Variants in PLXNA4 observed in about 807,000 individuals in gnomAD.
PLXNA4 encodes plexin A4.
A neutral mutation model predicts 191.8 loss-of-function variants in PLXNA4; 44 were observed. The ratio of observed to expected loss-of-function variants is 0.23; its 90% CI spans 0.18 to 0.29. PLXNA4 has a LOEUF of 0.29. Among genes scored for constraint, PLXNA4 ranks in the 10% least tolerant of loss-of-function variants. PLXNA4 has a pLI of 1.00. For missense variants in PLXNA4, 1,800 were observed against 2,488.8 expected (o/e 0.72, Z 5.89); for synonymous variants, 1,082 against 1,009.5 (o/e 1.07, Z -1.36).
At chr7:132,204,356 C>T (rs1797542502) in intron 10 of PLXNA4, among the ~76,000 whole-genome samples, 1 of 152,176 alleles carries the variant, frequency 6.6e-6, no homozygotes, top group African/African-American at 2.4e-5. Context: ...TAGAGCCCAC[C>T]CTGGGCAGCA....
intron 14 of PLXNA4, among the ~76,000 whole-genome samples, chr7:132,191,916 G>A (rs1797104097): frequency 6.6e-6 from 1 of 151,572 alleles, no homozygotes; most frequent in Admixed American, 6.6e-5. Flanking sequence ...AATGTCTATT[G>A]GGTTCACCTT....
intron 10 of PLXNA4, among the ~76,000 whole-genome samples, chr7:132,210,647 C>T (rs1271034765): frequency 6.6e-6 from 1 of 152,188 alleles, no homozygotes; most frequent in Non-Finnish European, 1.5e-5. Context: ...ATAAACAGGG[C>T]TCACAGCTCC....
rs372745818 is a variant in PLXNA4, at chr7:132,395,337, T to C, written c.1371+93955A>G. 9.9e-5 allele frequency among the ~76,000 whole-genome samples: 15 copies of C among 152,026 alleles called. 2 individuals carry two copies. The East Asian group carries it at 2.9e-3, about 29-fold the overall frequency. ...GTGACCATTCAGGCAGAAAGGAAGA[T>C]GAGGAGTGGGGACAAGATGAATAAG... On this transcript the variant is annotated intron_variant, in intron 3 of 31. Coordinates refer to ENST00000321063, the MANE Select transcript of PLXNA4 (RefSeq NM_020911.2).
At chr7:132,489,548 AT>A in intron 2 of PLXNA4, 74 bp from the exon 3 acceptor site, 3 of 1,271,942 alleles carry the variant, frequency 2.4e-6, no homozygotes, top group Non-Finnish European at 3.2e-6. Context: ...TCAGGAAACT[AT>A]GGAGGTAGAA....
rs560512909 is a variant in PLXNA4 at position 132,340,536 on chromosome 7, C to T, written c.1372-42314G>A. Among the ~76,000 whole-genome samples, 5 of 152,310 alleles carry T rather than the reference C, an allele frequency of 3.3e-5. No individual in the cohort carries two copies. The South Asian group carries it at 1.0e-3, about 32-fold the overall frequency. On this transcript the variant is annotated intron_variant, in intron 3 of 31. Coordinates refer to ENST00000321063, the MANE Select transcript of PLXNA4 (RefSeq NM_020911.2). Reference sequence around the variant, plus strand: ...AAGAGTGAGCTGTGAATTTAGTGTACACCAAGGACAGCTTTATTCAATGGA... The same window carrying T: ...AAGAGTGAGCTGTGAATTTAGTGTATACCAAGGACAGCTTTATTCAATGGA...
intron 2 of PLXNA4, among the ~76,000 whole-genome samples, chr7:132,500,194 G>A (rs1465325691): frequency 1.3e-5 from 2 of 152,162 alleles, no homozygotes; most frequent in African/African-American, 4.8e-5. Context: ...TAGAAAGGAA[G>A]GCAATTGGAG....
At chr7:132,362,151 A>C (rs6972176) in intron 3 of PLXNA4, among the ~76,000 whole-genome samples, 68,830 of 151,520 alleles carry the variant, frequency 0.45, 18,123 homozygotes, top group African/African-American at 0.73. Flanking sequence ...CATTTAGAGG[A>C]CTTTATACAT....
Position 132,607,631 on chromosome 7 carries a change from C to CTT in PLXNA4, c.-87+38296_-87+38297insAA, listed in dbSNP as rs201903094. ...TGTGTAAAGAAGATGTTCTCTGAGC[C>CTT]TGTGCCTTTTTGCAGCCTAGAAGTG... On this transcript the variant is annotated intron_variant, in intron 2 of 4. Transcript: ENST00000378539. 2.0e-5 allele frequency among the ~76,000 whole-genome samples: 3 copies of CTT among 152,244 alleles called. No individual in the cohort carries two copies. The East Asian group carries it at 5.8e-4, about 29-fold the overall frequency.
chr7:132,291,159 AC>A (rs2116461389), intron 4 of PLXNA4, among the ~76,000 whole-genome samples: 1 of 152,084 alleles, frequency 6.6e-6, no homozygotes, highest in Non-Finnish European at 1.5e-5. Flanking sequence ...AACACATGTC[AC>A]ATGCCGTCTC....
At chr7:132,595,722 A>G (rs1332334921) in intron 2 of PLXNA4, among the ~76,000 whole-genome samples, 2 of 152,176 alleles carry the variant, frequency 1.3e-5, no homozygotes, top group Admixed American at 1.3e-4. Context: ...AGAAGCTGCC[A>G]TTCTTTCTTC....
intron 2 of PLXNA4, among the ~76,000 whole-genome samples, chr7:132,583,267 G>A (rs1802441297): frequency 6.6e-6 from 1 of 152,202 alleles, no homozygotes; most frequent in Non-Finnish European, 1.5e-5. Context: ...GCCCAGTGGT[G>A]CTGAAAGTGT....
intron 3 of PLXNA4, among the ~76,000 whole-genome samples, chr7:132,364,582 AG>A (rs1804078884): frequency 6.6e-6 from 1 of 152,244 alleles, no homozygotes; most frequent in Non-Finnish European, 1.5e-5. Context: ...TGGACTTAAA[AG>A]GGCCCACAGA....
intron 3 of PLXNA4, among the ~76,000 whole-genome samples, chr7:132,427,985 T>A (rs1795114208): frequency 6.6e-6 from 1 of 152,146 alleles, no homozygotes; most frequent in South Asian, 2.1e-4. Flanking sequence ...CTCCCCTTGC[T>A]AGAAAACCCA....
At chr7:132,335,683 A>G (rs1333444324) in intron 3 of PLXNA4, among the ~76,000 whole-genome samples, 3 of 152,242 alleles carry the variant, frequency 2.0e-5, no homozygotes, top group Non-Finnish European at 2.9e-5. Flanking sequence ...CAAACCATCA[A>G]CGAATATGAG....
intron 1 of PLXNA4, among the ~76,000 whole-genome samples, chr7:132,561,070 C>T (rs748592879): frequency 1.8e-4 from 28 of 152,050 alleles, no homozygotes; most frequent in Admixed American, 1.2e-3. Flanking sequence ...AATCCCTTAG[C>T]TGGATACTGA....
intron 3 of PLXNA4, among the ~76,000 whole-genome samples, chr7:132,360,270 G>A (rs1206261351): frequency 2.6e-5 from 4 of 152,154 alleles, no homozygotes; most frequent in African/African-American, 9.7e-5. Context: ...GGACCTCCAG[G>A]TGGGCCTGTC....
intron 28 of PLXNA4, 90 bp downstream of exon 28, chr7:132,146,420 G>A: frequency 6.2e-7 from 1 of 1,606,250 alleles, no homozygotes; most frequent in Non-Finnish European, 8.5e-7. Flanking sequence ...CATGAATGCT[G>A]GGTACTGGCT....
At chr7:132,155,643 TG>T (rs1010784981) in intron 25 of PLXNA4, among the ~76,000 whole-genome samples, 2 of 152,188 alleles carry the variant, frequency 1.3e-5, no homozygotes, top group African/African-American at 4.8e-5. Context: ...GAGTGCTACC[TG>T]GGCACTGTGC....
intron 3 of PLXNA4, among the ~76,000 whole-genome samples, chr7:132,365,760 A>G (rs1048442728): frequency 1.5e-4 from 23 of 152,190 alleles, no homozygotes; most frequent in Non-Finnish European, 2.8e-4. Flanking sequence ...CCCTGAGGAA[A>G]TTATTGAAAC....
Sources: gnomAD v4.1 joint callset for allele counts (sites outside exome capture counted in the v4.1 genomes callset) on GRCh38, gnomAD v4.1.1 for gene constraint, MANE v1.5 for transcripts, NCBI Gene and HGNC (gene_info 2026-07-23, HGNC 2026-07-21) for gene names.